The following PRKCQ variants were observed in gnomAD, a reference collection of about 807,000 sequenced individuals.
PRKCQ encodes the protein protein kinase C theta type.
PRKCQ carries 41 observed loss-of-function variants against 91.2 expected under a neutral mutation model. The observed-to-expected ratio is 0.45, with a 90% CI of 0.35 to 0.58. The LOEUF (loss-of-function observed/expected upper bound fraction) is 0.58. PRKCQ is among the 20% of genes least tolerant of loss of function. PRKCQ has a pLI of 0.00. For missense variants in PRKCQ, 673 were observed against 896.5 expected (o/e 0.75, Z 3.18); for synonymous variants, 307 against 316.9 (o/e 0.97, Z 0.33).
intron 16 of PRKCQ, among the ~76,000 whole-genome samples, chr10:6,436,055 A>T (rs768664310): frequency 3.3e-5 from 5 of 152,214 alleles, no homozygotes; most frequent in Non-Finnish European, 7.3e-5. Context: ...CATAGGCTGC[A>T]GTGAGCTGAG....
intron 1 of PRKCQ, among the ~76,000 whole-genome samples, chr10:6,535,063 G>C (rs184807360): frequency 6.6e-6 from 1 of 152,276 alleles, no homozygotes; most frequent in East Asian, 1.9e-4. Flanking sequence ...GATGTGTACA[G>C]AAATTAACAC....
At chr10:6,478,891 T>C (rs944244088) in intron 12 of PRKCQ, 101 bp downstream of exon 12, 9 of 1,325,140 alleles carry the variant, frequency 6.8e-6, no homozygotes, top group Non-Finnish European at 9.4e-6. Flanking sequence ...GTAAGATAAA[T>C]ATGGAGGCAA....
At chr10:6,447,254 T>C (rs562654765) in intron 15 of PRKCQ, among the ~76,000 whole-genome samples, 4 of 151,814 alleles carry the variant, frequency 2.6e-5, no homozygotes, top group African/African-American at 9.7e-5. Flanking sequence ...TAAAAATACA[T>C]AAATTAGCCG....
At chr10:6,454,425 C>G (rs1368934716) in intron 15 of PRKCQ, among the ~76,000 whole-genome samples, 1 of 151,988 alleles carries the variant, frequency 6.6e-6, no homozygotes, top group Non-Finnish European at 1.5e-5. Context: ...TTTGTTTGAG[C>G]TTGGAGAAGG....
chr10:6,431,571 C>T (rs547776931), intron 16 of PRKCQ, among the ~76,000 whole-genome samples: 24 of 152,306 alleles, frequency 1.6e-4, no homozygotes, highest in Admixed American at 1.4e-3. Flanking sequence ...CACACACGCA[C>T]GCATTTGTGC....
intron 2 of PRKCQ, among the ~76,000 whole-genome samples, chr10:6,513,386 T>G (rs1354435932): frequency 1.3e-5 from 2 of 151,368 alleles, no homozygotes; most frequent in East Asian, 3.9e-4. Flanking sequence ...TTCCTTCTTT[T>G]CTGACAAGGA....
chr10:6,471,409 G>A (rs772788539), intron 12 of PRKCQ, among the ~76,000 whole-genome samples: 21 of 152,290 alleles, frequency 1.4e-4, no homozygotes, highest in Admixed American at 5.2e-4. Flanking sequence ...GTATCTGAGC[G>A]TGATTTATAG....
chr10:6,413,234 G>A, the PRKCQ span, among the ~76,000 whole-genome samples: 2 of 152,204 alleles, frequency 1.3e-5, no homozygotes, highest in African/African-American at 2.4e-5. Context: ...TTACAGGCGT[G>A]AGCCACTCTG....
intron 1 of PRKCQ, among the ~76,000 whole-genome samples, chr10:6,526,874 A>G (rs1839217428): frequency 6.6e-6 from 1 of 152,236 alleles, no homozygotes; most frequent in Non-Finnish European, 1.5e-5. Flanking sequence ...GAGCAAGTGC[A>G]GAAGAAGAGA....
At position 6,460,717 on chromosome 10, in the gene PRKCQ, C is replaced by T. The variant is rs1009941875; in HGVS notation, c.1508+1586G>A. Among the ~76,000 whole-genome samples the T allele has an allele frequency of 3.0e-4, 46 of 152,192 alleles. 1 individual carries two copies. Among genetic ancestry groups the T allele is most frequent in the African/African-American group, 1.1e-3 (44 of 41,446 alleles). ...TGTCGGCCAGGCTGGTTTCCAACTC[C>T]TAACCCCAGGTGATCCATCTGCCTT... On this transcript the variant is annotated intron_variant, in intron 14 of 17. Transcript: ENST00000263125.
chr10:6,539,973 GT>G (rs1182966731), intron 1 of PRKCQ, among the ~76,000 whole-genome samples: 1 of 152,158 alleles, frequency 6.6e-6, no homozygotes, highest in Non-Finnish European at 1.5e-5. Flanking sequence ...CTCTGAATAA[GT>G]GGAATTCATG....
At chr10:6,559,446 C>T (rs1477792806) in intron 1 of PRKCQ, among the ~76,000 whole-genome samples, 2 of 152,160 alleles carry the variant, frequency 1.3e-5, no homozygotes, top group Non-Finnish European at 2.9e-5. Flanking sequence ...GCAATTTCCA[C>T]CTCCTGGGTT....
intron 1 of PRKCQ, among the ~76,000 whole-genome samples, chr10:6,547,039 G>A (rs1272139283): frequency 6.6e-6 from 1 of 152,102 alleles, no homozygotes; most frequent in Non-Finnish European, 1.5e-5. Context: ...TACATTTATT[G>A]ATTTGCGTAT....
chr10:6,460,998 CATCCATCATTT>C (rs1467427382), intron 14 of PRKCQ, among the ~76,000 whole-genome samples: 4 of 151,728 alleles, frequency 2.6e-5, no homozygotes, highest in African/African-American at 9.7e-5. Context: ...ATTCCTCATC[CATCCATCATTT>C]ATCCATCCAT....
the PRKCQ span, among the ~76,000 whole-genome samples, chr10:6,412,441 A>G: frequency 3.3e-5 from 5 of 152,364 alleles, no homozygotes; most frequent in East Asian, 7.7e-4. Context: ...GCACATGTGT[A>G]AGAATATAGA....
chr10:6,484,140 A>G (rs1260340067), intron 10 of PRKCQ, among the ~76,000 whole-genome samples: 1 of 152,128 alleles, frequency 6.6e-6, no homozygotes, highest in Admixed American at 6.5e-5. Flanking sequence ...TTGGCCGGGT[A>G]TGGTGGCTCA....
rs768641267 is a variant in PRKCQ at position 6,486,020 on chromosome 10, G to C, written c.900+15C>G. On this transcript the variant is annotated intron_variant, in intron 9 of 17. Transcript: ENST00000263125. ...GCGGCCATGGCGGGAACGTGTCCAC[G>C]GCACATGCTCCTACCTGTTGAGTGC... 2 of 1,605,482 alleles carry C rather than the reference G, an allele frequency of 1.2e-6. No individual in the cohort carries two copies. The highest frequency in any genetic ancestry group is 1.7e-6 in the Non-Finnish European group (2 of 1,173,588).
intron 12 of PRKCQ, among the ~76,000 whole-genome samples, chr10:6,464,719 A>G (rs1432668738): frequency 6.6e-5 from 10 of 152,228 alleles, no homozygotes; most frequent in Non-Finnish European, 1.0e-4. Flanking sequence ...AAGTGCTGGG[A>G]TTACAGGCGT....
intron 14 of PRKCQ, among the ~76,000 whole-genome samples, chr10:6,460,308 T>TG (rs1564316681): frequency 6.6e-6 from 1 of 152,028 alleles, no homozygotes; most frequent in Admixed American, 6.6e-5. Flanking sequence ...CTTTTTTTTT[T>TG]TTGTTCTGAG....
Sources: gnomAD v4.1 joint callset for allele counts (sites outside exome capture counted in the v4.1 genomes callset) on GRCh38, gnomAD v4.1.1 for gene constraint, MANE v1.5 for transcripts, NCBI Gene and HGNC (gene_info 2026-07-23, HGNC 2026-07-21) for gene names.